Variants in ACYP2 observed in about 807,000 individuals in gnomAD.
ACYP2 encodes acylphosphatase 2.
In ACYP2, 12 loss-of-function variants were observed where a neutral mutation model predicts 11.2. The ratio of observed to expected loss-of-function variants is 1.08; its 90% CI spans 0.69 to 1.74. The LOEUF (loss-of-function observed/expected upper bound fraction) is 1.74. Among genes scored for constraint, ACYP2 ranks in the 40% most tolerant of loss-of-function variants. ACYP2 has a pLI of 0.00. For synonymous variants in ACYP2, 43 were observed against 32.2 expected, an observed-to-expected ratio of 1.33 and a Z score of -1.13; for missense variants, 134 against 101.9, an observed-to-expected ratio of 1.31 and a Z score of -1.35.
intron 6 of ACYP2, among the ~76,000 whole-genome samples, chr2:54,235,342 T>TTTTTG (rs1485850725): frequency 1.5e-4 from 23 of 152,084 alleles, no homozygotes; most frequent in South Asian, 1.0e-3. Context: ...TCACAAGTTT[T>TTTTTG]TTTTGTTCTG....
intron 2 of ACYP2, among the ~76,000 whole-genome samples, chr2:53,979,519 GT>G (rs1671649971): frequency 6.6e-6 from 1 of 151,480 alleles, no homozygotes; most frequent in Admixed American, 6.6e-5. Context: ...CCCAGCTACT[GT>G]GGAGGCTGAG....
intron 6 of ACYP2, among the ~76,000 whole-genome samples, chr2:54,241,630 A>G (rs1159462062): frequency 6.6e-6 from 1 of 152,206 alleles, no homozygotes; most frequent in Non-Finnish European, 1.5e-5. Flanking sequence ...TTTCTCTTGA[A>G]TGATGTAATA....
intron 2 of ACYP2, among the ~76,000 whole-genome samples, chr2:54,019,322 T>A (rs1673871218): frequency 6.6e-6 from 1 of 152,074 alleles, no homozygotes; most frequent in Non-Finnish European, 1.5e-5. Context: ...TCCTCCTGCC[T>A]CAGCTTCCTG....
chr2:54,037,082 C>T (rs187282312), intron 2 of ACYP2, among the ~76,000 whole-genome samples: 1 of 152,146 alleles, frequency 6.6e-6, no homozygotes, highest in Non-Finnish European at 1.5e-5. Context: ...TAGAGAAAAA[C>T]TCCTTTAGAA....
At chr2:53,976,289 C>T (rs1049858904) in intron 2 of ACYP2, among the ~76,000 whole-genome samples, 4 of 152,164 alleles carry the variant, frequency 2.6e-5, no homozygotes, top group Non-Finnish European at 5.9e-5. Flanking sequence ...CTCACTGCAG[C>T]CTCCACCTCC....
At chr2:54,115,881 G>A in intron 4 of ACYP2, 125 bp downstream of exon 1, 12 of 1,232,882 alleles carry the variant, frequency 9.7e-6, no homozygotes, top group African/African-American at 1.7e-5. Context: ...GCTCCGCCAT[G>A]ACACAGCAGC....
At chr2:53,990,985 A>G (rs1558457010) in intron 2 of ACYP2, among the ~76,000 whole-genome samples, 2 of 151,908 alleles carry the variant, frequency 1.3e-5, no homozygotes, top group African/African-American at 2.4e-5. Flanking sequence ...TTCAGTAGAG[A>G]CGGGGTTTCA....
intron 6 of ACYP2, among the ~76,000 whole-genome samples, chr2:54,283,561 C>A (rs1688938248): frequency 6.6e-6 from 1 of 152,216 alleles, no homozygotes; most frequent in Non-Finnish European, 1.5e-5. Flanking sequence ...AGAGGTCTAG[C>A]TCTGACTCAA....
At chr2:54,113,637 A>C (rs1290446461) in intron 4 of ACYP2, among the ~76,000 whole-genome samples, 4 of 152,188 alleles carry the variant, frequency 2.6e-5, no homozygotes, top group Admixed American at 1.3e-4. Flanking sequence ...CTAGTGGGGA[A>C]GGCACACTAA....
intron 4 of ACYP2, among the ~76,000 whole-genome samples, chr2:54,075,278 C>T (rs1156383016): frequency 6.6e-6 from 1 of 152,070 alleles, no homozygotes; most frequent in Admixed American, 6.6e-5. Context: ...GAGGGTAAAT[C>T]GCTTCAGCTC....
At chr2:54,123,041 C>T (rs1435886549) in intron 4 of ACYP2, 4 of 248,268 alleles carry the variant, frequency 1.6e-5, no homozygotes, top group African/African-American at 8.9e-5. Flanking sequence ...AAGTATGATC[C>T]CTGTGGGTAA....
intron 6 of ACYP2, among the ~76,000 whole-genome samples, chr2:54,150,210 A>G (rs778345961): frequency 1.2e-4 from 19 of 152,196 alleles, no homozygotes; most frequent in Non-Finnish European, 4.4e-5. Flanking sequence ...TTTGTGGTAC[A>G]TGGGCAGAGT....
intron 4 of ACYP2, among the ~76,000 whole-genome samples, chr2:54,126,988 A>G (rs984745463): frequency 1.3e-5 from 2 of 151,622 alleles, no homozygotes; most frequent in African/African-American, 4.8e-5. Flanking sequence ...GCAAAAAAGT[A>G]TATTACAGTG....
At chr2:54,175,929 C>T (rs1683438740) in intron 6 of ACYP2, among the ~76,000 whole-genome samples, 1 of 152,110 alleles carries the variant, frequency 6.6e-6, no homozygotes, top group African/African-American at 2.4e-5. Flanking sequence ...GCAGAGCTCT[C>T]ACAAATGGGG....
At chr2:54,299,493 G>A (rs1372311203) in intron 6 of ACYP2, among the ~76,000 whole-genome samples, 1 of 151,746 alleles carries the variant, frequency 6.6e-6, no homozygotes, top group Non-Finnish European at 1.5e-5. Context: ...TCAGGAGGCT[G>A]AGGTGGGAGA....
chr2:54,243,471 C>CTTAT (rs557087991), intron 6 of ACYP2, among the ~76,000 whole-genome samples: 2,099 of 152,166 alleles, frequency 0.014, 50 homozygotes, highest in African/African-American at 0.046. Flanking sequence ...CATAGTCCAT[C>CTTAT]TTATTTATTT....
intron 6 of ACYP2, among the ~76,000 whole-genome samples, chr2:54,276,364 T>C (rs892167710): frequency 5.9e-5 from 9 of 152,122 alleles, no homozygotes; most frequent in African/African-American, 1.9e-4. Context: ...CATACATTAG[T>C]CTAATAGTTG....
At chr2:54,115,892 G>T (rs995523542) in intron 4 of ACYP2, 136 bp downstream of exon 1, 1 of 1,192,684 alleles carries the variant, frequency 8.4e-7, no homozygotes, top group Non-Finnish European at 1.1e-6. Flanking sequence ...ACACAGCAGC[G>T]GCGGCGGGGA....
rs111702965 is a variant in ACYP2, at chr2:54,267,828, A to G, written c.405-36860A>G. Among the ~76,000 whole-genome samples the G allele has an allele frequency of 4.7e-3, 711 of 152,298 alleles. 8 individuals are homozygous for G. The highest frequency in any genetic ancestry group is 0.016 in the African/African-American group (680 of 41,574). On this transcript the variant is annotated intron_variant, in intron 6 of 6. Transcript: ENST00000607452. ...AGCAGAGTTATTTCTGCAGCTGGGA[A>G]AAAGGTTCAGAGCTATCTTCCTAGA...
Sources: gnomAD v4.1 joint callset for allele counts (sites outside exome capture counted in the v4.1 genomes callset) on GRCh38, gnomAD v4.1.1 for gene constraint, MANE v1.5 for transcripts, NCBI Gene and HGNC (gene_info 2026-07-23, HGNC 2026-07-21) for gene names.